The following MUC5AC variants were observed in gnomAD, a reference collection of about 807,000 sequenced individuals.
MUC5AC encodes mucin 5AC, oligomeric mucus/gel-forming, also known as mucin-5AC.
Under a neutral mutation model 169.7 loss-of-function variants are expected in MUC5AC, and 158 were observed. The observed-to-expected ratio is 0.93, with a 90% CI of 0.82 to 1.06. The LOEUF is 1.06. MUC5AC is among the 50% of genes least tolerant of loss of function. MUC5AC has a pLI of 0.00. For synonymous variants in MUC5AC, 1,975 were observed against 1,237.0 expected (o/e 1.60, Z -12.52); for missense variants, 4,359 against 3,089.9 (o/e 1.41, Z -9.74).
chr11:1,161,258 T>A (rs962392996), intron 2 of MUC5AC, among the ~76,000 whole-genome samples: 1 of 151,270 alleles, frequency 6.6e-6, no homozygotes, highest in African/African-American at 2.4e-5. Flanking sequence ...CTGAGGCCCA[T>A]GGGCATGTGA....
At position 1,195,190 on chromosome 11, in the gene MUC5AC, G is replaced by T; in HGVS notation, c.15369G>T (p.Gly5123=). 1 of 760,780 alleles carries T rather than the reference G, an allele frequency of 1.3e-6. No individual in the cohort carries two copies. Among genetic ancestry groups the T allele is most frequent in the Non-Finnish European group, 2.4e-6 (1 of 415,920 alleles). The allele number at this position is 760,780 out of a possible 1,614,324, so 47.1% of individuals were successfully genotyped here. The part of the protein sequence containing the change: ...GPTTVGSTTV[G]PTTVGSTTVG... Reference sequence around the variant, plus strand: ...CCACAGTTGGGTCTACCACGGTCGGGCCCACCACAGTTGGGTCTACCACGG... The same window carrying T: ...CCACAGTTGGGTCTACCACGGTCGGTCCCACCACAGTTGGGTCTACCACGG... Residue 5123 remains glycine, a synonymous_variant, in exon 36 of 49, where the codon GGG becomes GGT. Transcript: ENST00000621226.
rs1033757207 is a variant in MUC5AC, at chr11:1,200,935, G to A, written c.*233G>A. ...CTCAGGACCAGCCCCGGGGCTGGCCGAGCTCCTCTGGCCATGCATCCAGCC... is the reference window on the plus strand; with the variant it reads ...CTCAGGACCAGCCCCGGGGCTGGCCAAGCTCCTCTGGCCATGCATCCAGCC... On this transcript the variant is annotated 3_prime_UTR_variant, in exon 49 of 49. Coordinates refer to ENST00000621226, the MANE Select transcript of MUC5AC (RefSeq NM_001304359.2). 1.7e-5 allele frequency: 7 copies of A among 413,568 alleles called. No homozygotes were observed. The highest frequency in any genetic ancestry group is 1.2e-4 in the African/African-American group (6 of 50,508). 25.6% of individuals were successfully genotyped at this position (413,568 alleles called of 1,614,324 possible). A position where few individuals can be genotyped will look rare whatever the true frequency, so the allele number is the denominator to read the frequency against.
chr11:1,199,317 C>G, intron 45 of MUC5AC, 54 bp from the exon 46 acceptor site: 1 of 700,462 alleles, frequency 1.4e-6, no homozygotes, highest in Admixed American at 2.0e-5. Context: ...GGGGTGCAGA[C>G]AGAGGGACAG....
intron 16 of MUC5AC, among the ~76,000 whole-genome samples, chr11:1,174,050 CTT>C (rs1860617589): frequency 6.6e-6 from 1 of 152,280 alleles, no homozygotes; most frequent in African/African-American, 2.4e-5. Context: ...CACTCACTCA[CTT>C]ATTCCCTCAT....
Position 1,185,606 on chromosome 11 carries a change from T to C in MUC5AC, c.7461T>C (p.Gly2487=). The C allele has an allele frequency of 1.4e-6, 1 of 729,376 alleles. No homozygotes were observed. Among genetic ancestry groups the C allele is most frequent in the Non-Finnish European group, 2.5e-6 (1 of 400,182 alleles). 45.2% of individuals were successfully genotyped at this position (729,376 alleles called of 1,614,324 possible). ...TSAATTSTTS[G]PETTPRPVPT... is the part of the protein sequence containing the mutation. The stretch of plus-strand genomic sequence containing the variant: ...CCGCTACAACCAGCACAACCTCTGG[T>C]CCTGAAACTACTCCTAGACCTGTTC... The change falls in exon 31 of 49, where the codon GGT becomes GGC. Residue 2487 remains glycine, a synonymous_variant. Coordinates refer to ENST00000621226, the MANE Select transcript of MUC5AC (RefSeq NM_001304359.2).
chr11:1,158,574 A>G (rs1860032703), intron 1 of MUC5AC, among the ~76,000 whole-genome samples: 1 of 152,162 alleles, frequency 6.6e-6, no homozygotes, highest in African/African-American at 2.4e-5. Flanking sequence ...GAGGCCCACA[A>G]GGGAACTGTT....
intron 15 of MUC5AC, among the ~76,000 whole-genome samples, chr11:1,172,094 C>A (rs1860565182): frequency 6.6e-6 from 1 of 152,252 alleles, no homozygotes; most frequent in Non-Finnish European, 1.5e-5. Flanking sequence ...TCCAGTGAGC[C>A]CAGTGGAGGG....
Position 1,197,335 on chromosome 11 carries a change from C to T in MUC5AC, c.15862-133C>T, listed in dbSNP as rs543929735. On this transcript the variant is annotated intron_variant, in intron 40 of 48. Coordinates refer to ENST00000621226, the MANE Select transcript of MUC5AC (RefSeq NM_001304359.2). ...CCTACCCTGCACTTTTGAAGCCCTA[C>T]TCCTGCTGGGTCCTCAGTGCAGGCC... 2.4e-4 allele frequency: 150 copies of T among 626,800 alleles called. 2 individuals are homozygous for T. The highest frequency in any genetic ancestry group is 1.9e-3 in the South Asian group (107 of 55,388). 38.8% of individuals were successfully genotyped at this position (626,800 alleles called of 1,614,324 possible).
chr11:1,196,130 G>A (rs1311299450), intron 37 of MUC5AC, 76 bp downstream of exon 37: 2 of 664,842 alleles, frequency 3.0e-6, no homozygotes, highest in African/African-American at 3.6e-5. Context: ...CCAACAGGGT[G>A]GGCTCGGGCA....
chr11:1,165,841 C>A, intron 11 of MUC5AC, 81 bp downstream of exon 11: 1 of 1,580,898 alleles, frequency 6.3e-7, no homozygotes. Flanking sequence ...AGCTTGGCTG[C>A]ATGTCACTGC....
At position 1,191,591 on chromosome 11, in the gene MUC5AC, C is replaced by T. The variant is rs1554928988; in HGVS notation, c.13446C>T (p.Ser4482=). The T allele has an allele frequency of 1.3e-6, 1 of 742,710 alleles. No individual in the cohort carries two copies. The highest frequency in any genetic ancestry group is 2.3e-4 in the Middle Eastern group (1 of 4,386). The allele number at this position is 742,710 out of a possible 1,614,324, so 46.0% of individuals were successfully genotyped here. The change falls in exon 31 of 49, where the codon AGC becomes AGT. Residue 4482 remains serine (S), a synonymous_variant. Transcript: ENST00000621226. The part of the protein sequence containing the change: ...SMTSGPGTTP[S]PVPTTSTTSA... ...CCTCTGGTCCTGGAACTACTCCCAGCCCTGTTCCCACCACCAGCACAACCT... is the reference window on the plus strand; with the variant it reads ...CCTCTGGTCCTGGAACTACTCCCAGTCCTGTTCCCACCACCAGCACAACCT...
chr11:1,173,320 T>TCCACTCACTCACTCATCCACTCAC (rs1860594955), intron 16 of MUC5AC, among the ~76,000 whole-genome samples: 1 of 91,048 alleles, frequency 1.1e-5, no homozygotes, highest in Non-Finnish European at 2.6e-5. Flanking sequence ...CACTCACTCA[T>TCCACTCACTCACTCATCCACTCAC]CCACTCACTC....
At position 1,177,496 on chromosome 11, in the gene MUC5AC, G is replaced by C. The variant is rs1013143689; in HGVS notation, c.2950G>C (p.Gly984Arg). The C allele has an allele frequency of 2.5e-6, 1 of 398,668 alleles. No homozygotes were observed. Among genetic ancestry groups the C allele is most frequent in the African/African-American group, 2.1e-5 (1 of 48,616 alleles). The allele number at this position is 398,668 out of a possible 1,614,324, so 24.7% of individuals were successfully genotyped here. A position where few individuals can be genotyped will look rare whatever the true frequency, so the allele number is the denominator to read the frequency against. ...KLSHGKVEVI[G>R]TDESQEVPYT... Reference sequence around the variant, plus strand: ...AAGCCATGGGAAGGTGGAGGTGATCGGGACGGACGAGAGCCAGGAGGTGCC... The same window carrying C: ...AAGCCATGGGAAGGTGGAGGTGATCCGGACGGACGAGAGCCAGGAGGTGCC... The change falls in exon 24 of 49, where the codon GGG (glycine) becomes CGG (arginine). Residue 984 changes from glycine to arginine, a missense_variant. By Grantham distance (125) the Gly-to-Arg change is moderately radical. Coordinates refer to ENST00000621226, the MANE Select transcript of MUC5AC (RefSeq NM_001304359.2).
Position 1,185,111 on chromosome 11 carries a change from T to G in MUC5AC, c.6966T>G (p.Thr2322=), listed in dbSNP as rs1409721404. 2 of 598,950 alleles carry G rather than the reference T, an allele frequency of 3.3e-6. No individual in the cohort carries two copies. Among genetic ancestry groups the G allele is most frequent in the Non-Finnish European group, 5.9e-6 (2 of 336,936 alleles). The allele number at this position is 598,950 out of a possible 1,614,324, so 37.1% of individuals were successfully genotyped here. A position where few individuals can be genotyped will look rare whatever the true frequency, so the allele number is the denominator to read the frequency against. Residue 2322 remains threonine, a synonymous_variant, in exon 31 of 49, where the codon ACT becomes ACG. Coordinates refer to ENST00000621226, the MANE Select transcript of MUC5AC (RefSeq NM_001304359.2). ...PTTSTISAPT[T]SITSAPTTST... ...CCAGCACAATCTCTGCTCCTACAAC[T>G]AGCATAACCTCTGCCCCTACAACCA...
chr11:1,160,724 G>T, intron 2 of MUC5AC, 35 bp downstream of exon 2: 1 of 1,584,304 alleles, frequency 6.3e-7, no homozygotes. Context: ...CCCTAAGCCT[G>T]TCAGATTCCA....
At position 1,160,674 on chromosome 11, in the gene MUC5AC, G is replaced by A. The variant is rs767389521; in HGVS notation, c.136G>A (p.Ala46Thr). The A allele has an allele frequency of 6.2e-6, 10 of 1,610,054 alleles. No individual in the cohort carries two copies. Among genetic ancestry groups the A allele is most frequent in the East Asian group, 4.5e-5 (2 of 44,836 alleles). The change falls in exon 2 of 49, where the codon GCC (alanine) becomes ACC (threonine). Residue 46 changes from alanine to threonine, a missense_variant. By Grantham distance (58) the Ala-to-Thr change is moderately conservative. Coordinates refer to ENST00000621226, the MANE Select transcript of MUC5AC (RefSeq NM_001304359.2). ...YKHHPALSPI[A>T]RGPSGVPLRG... Reference sequence around the variant, plus strand: ...GCACCACCCTGCCCTCTCTCCTATCGCCCGGGGGCCCAGCGGTGAGTCTGA... The same window carrying A: ...GCACCACCCTGCCCTCTCTCCTATCACCCGGGGGCCCAGCGGTGAGTCTGA...
At chr11:1,163,262 C>T (rs1018604943) in intron 6 of MUC5AC, among the ~76,000 whole-genome samples, 2 of 152,248 alleles carry the variant, frequency 1.3e-5, no homozygotes, top group African/African-American at 4.8e-5. Context: ...CCATTGGGCC[C>T]CTTGCTCTGT....
chr11:1,166,248 A>G (rs976398403), intron 11 of MUC5AC, among the ~76,000 whole-genome samples: 1 of 143,714 alleles, frequency 7.0e-6, no homozygotes, highest in African/African-American at 2.6e-5. Context: ...CAGTCTCCCT[A>G]TGGTGAGACC....
At chr11:1,167,780 T>C in intron 11 of MUC5AC, 97 bp from the exon 12 acceptor site, 1 of 1,043,998 alleles carries the variant, frequency 9.6e-7, no homozygotes, top group South Asian at 1.5e-5. Flanking sequence ...TGGGGTTTTC[T>C]AGTGAGGGAG....
Sources: allele counts gnomAD v4.1 joint callset (sites outside exome capture counted in the v4.1 genomes callset), GRCh38; gene constraint gnomAD v4.1.1; transcripts MANE v1.5; gene names NCBI Gene and HGNC (gene_info 2026-07-23, HGNC 2026-07-21).